GUCY2F: variants seen among roughly 807,000 people sequenced by gnomAD.
The protein encoded by GUCY2F is guanylate cyclase 2F, retinal.
A neutral mutation model predicts 73.1 loss-of-function variants in GUCY2F; 61 were observed. The observed-to-expected ratio is 0.83, with a 90% CI of 0.68 to 1.03. GUCY2F has a LOEUF of 1.03. Ranked by LOEUF, GUCY2F falls within the 50% of genes least tolerant of loss-of-function variation. The probability of loss-of-function intolerance (pLI) is 0.00; values close to 1 mark genes in which losing one functional copy is unlikely to be tolerated. For synonymous variants in GUCY2F, 331 were observed against 307.8 expected, an observed-to-expected ratio of 1.08 and a Z score of -0.79; for missense variants, 912 against 854.3, an observed-to-expected ratio of 1.07 and a Z score of -0.84.
At chrX:109,393,320 G>A (rs1457086953) in intron 12 of GUCY2F, among the ~76,000 whole-genome samples, 2 of 96,702 alleles carry the variant, frequency 2.1e-5, no homozygotes, top group Non-Finnish European at 4.0e-5. Context: ...GAGCAAAGGT[G>A]TTCTGAGCCG....
chrX:109,402,669 T>A (rs1002266227), intron 10 of GUCY2F, among the ~76,000 whole-genome samples: 6 of 111,747 alleles, frequency 5.4e-5, no homozygotes, highest in African/African-American at 2.0e-4. Flanking sequence ...TTTGACAAAA[T>A]ACTAAGTACT....
At chrX:109,392,185 A>C in intron 13 of GUCY2F, 82 bp from the exon 14 acceptor site, 1 of 647,352 alleles carries the variant, frequency 1.5e-6, no homozygotes, top group Non-Finnish European at 2.4e-6. Context: ...ACACCAAATA[A>C]ACCTCTAAAA....
intron 8 of GUCY2F, among the ~76,000 whole-genome samples, chrX:109,417,751 T>A (rs1039478123): frequency 3.6e-5 from 4 of 110,387 alleles, no homozygotes; most frequent in African/African-American, 9.8e-5. Flanking sequence ...CTAAATAAGA[T>A]GAACATTAAT....
At chrX:109,383,455 A>G (rs773155788) in intron 16 of GUCY2F, 106 of 624,273 alleles carry the variant, frequency 1.7e-4, no homozygotes, top group Non-Finnish European at 2.0e-4. Flanking sequence ...AACTGAGCAC[A>G]AAGGAGATAT....
chrX:109,479,774 C>T (rs909427469), intron 1 of GUCY2F, among the ~76,000 whole-genome samples: 4 of 111,338 alleles, frequency 3.6e-5, no homozygotes, highest in Non-Finnish European at 7.5e-5. Context: ...CCCGACAATG[C>T]TGGAGTTATG....
intron 3 of GUCY2F, 23 bp downstream of exon 3, chrX:109,465,119 A>T (rs371284385): frequency 8.8e-7 from 1 of 1,137,199 alleles, no homozygotes; most frequent in South Asian, 1.9e-5. Flanking sequence ...TCAGCTCATG[A>T]CAACCTATGA....
intron 14 of GUCY2F, 31 bp from the exon 15 acceptor site, chrX:109,388,694 C>T (rs780190806): frequency 9.6e-7 from 1 of 1,042,177 alleles, no homozygotes; most frequent in South Asian, 1.9e-5. Context: ...AATTAGCAAA[C>T]AACTTATTTG....
intron 7 of GUCY2F, among the ~76,000 whole-genome samples, chrX:109,434,232 C>A (rs1931681618): frequency 9.1e-6 from 1 of 110,339 alleles, no homozygotes; most frequent in Non-Finnish European, 1.9e-5. Context: ...GCCCACCACA[C>A]CCCATCTCAC....
intron 3 of GUCY2F, among the ~76,000 whole-genome samples, chrX:109,464,271 A>G (rs770732763): frequency 4.5e-5 from 5 of 110,973 alleles, no homozygotes; most frequent in African/African-American, 1.6e-4. Flanking sequence ...TGTTTTCTCT[A>G]CTTTCTTCCC....
At chrX:109,393,181 A>G in intron 12 of GUCY2F, 126 bp from the exon 13 acceptor site, 1 of 460,237 alleles carries the variant, frequency 2.2e-6, no homozygotes, top group South Asian at 3.3e-5. Flanking sequence ...GAACCCAGAT[A>G]TAAATAGGAA....
intron 7 of GUCY2F, among the ~76,000 whole-genome samples, chrX:109,432,442 A>G (rs897377242): frequency 1.8e-5 from 2 of 111,924 alleles, no homozygotes; most frequent in African/African-American, 6.5e-5. Flanking sequence ...TAAAACTCTA[A>G]CCGAAAATTT....
At chrX:109,387,223 G>A (rs1402353656) in intron 15 of GUCY2F, among the ~76,000 whole-genome samples, 1 of 111,956 alleles carries the variant, frequency 8.9e-6, no homozygotes, top group Admixed American at 9.4e-5. Context: ...TATTTAAAAG[G>A]TAAAGAGTGT....
Position 109,409,097 on chromosome X carries a change from A to G in GUCY2F, c.1863T>C (p.Ile621=). Residue 621 remains isoleucine (I), a synonymous_variant, in exon 9 of 20, where the codon ATT becomes ATC. Coordinates refer to ENST00000218006, the MANE Select transcript of GUCY2F (RefSeq NM_001522.3). ...GFFYDSGMFA[I]VTEFCSRGSL... is the part of the protein sequence containing the mutation. The stretch of plus-strand genomic sequence containing the variant: ...TCCCTCGGGAACAGAATTCTGTCAC[A>G]ATGGCAAACATCCCCGAATCATAGA... The G allele has an allele frequency of 9.1e-7, 1 of 1,093,834 alleles. No individual in the cohort carries two copies. Among genetic ancestry groups the G allele is most frequent in the Non-Finnish European group, 1.3e-6 (1 of 787,825 alleles). 90.1% of individuals were successfully genotyped at this position (1,093,834 alleles called of 1,213,427 possible).
chrX:109,468,774 T>C (rs1932518911), intron 2 of GUCY2F, among the ~76,000 whole-genome samples: 1 of 112,010 alleles, frequency 8.9e-6, no homozygotes, highest in African/African-American at 3.2e-5. Flanking sequence ...ATTTTTTGCC[T>C]GGCAAGATCT....
At chrX:109,392,158 A>T (rs1930580559) in intron 13 of GUCY2F, 55 bp from the exon 14 acceptor site, 1 of 862,596 alleles carries the variant, frequency 1.2e-6, no homozygotes, top group Non-Finnish European at 1.6e-6. Context: ...TTCATGCCAC[A>T]TACACCTGCT....
chrX:109,375,795 T>C, intron 19 of GUCY2F, 103 bp downstream of exon 19: 1 of 598,197 alleles, frequency 1.7e-6, no homozygotes, highest in Non-Finnish European at 2.9e-6. Context: ...TCCATCACAC[T>C]ATGCCAACAG....
At chrX:109,427,514 C>G (rs1206553396) in intron 8 of GUCY2F, among the ~76,000 whole-genome samples, 1 of 111,917 alleles carries the variant, frequency 8.9e-6, no homozygotes, top group Non-Finnish European at 1.9e-5. Context: ...GACATCCATC[C>G]CATTGTGCAC....
At position 109,392,967 on chromosome X, in the gene GUCY2F, A is replaced by G. The variant is rs1424987852; in HGVS notation, c.2513T>C (p.Leu838Ser). ...LEQYSSNLED[L>S]IRERTEELEI... ...CAGCTCTTCAGTCCGCTCCCGAATC[A>G]AATCTTCCAAGTTGCTAGAATATTG... The change falls in exon 13 of 20, where the codon TTG (leucine) becomes TCG (serine). Residue 838 changes from leucine to serine, a missense_variant. Physicochemically the swap from Leu to Ser is moderately radical, Grantham distance 145 (BLOSUM62 -2). Transcript: ENST00000218006. 1.7e-6 allele frequency: 2 copies of G among 1,157,183 alleles called. No homozygotes were observed. Among genetic ancestry groups the G allele is most frequent in the Non-Finnish European group, 2.4e-6 (2 of 847,421 alleles).
chrX:109,475,135 A>G, intron 2 of GUCY2F, 72 bp downstream of exon 2: 1 of 1,046,905 alleles, frequency 9.6e-7, no homozygotes, highest in Non-Finnish European at 1.3e-6. Flanking sequence ...GTGTGAGGGT[A>G]GGAAACCTTT....
Sources: allele counts gnomAD v4.1 joint callset (sites outside exome capture counted in the v4.1 genomes callset), GRCh38; gene constraint gnomAD v4.1.1; transcripts MANE v1.5; gene names NCBI Gene and HGNC (gene_info 2026-07-23, HGNC 2026-07-21).